Variants in CCDC171 observed in about 807,000 individuals in gnomAD.
CCDC171 encodes coiled-coil domain containing 171, also known as coiled-coil domain-containing protein 171.
CCDC171 carries 177 observed loss-of-function variants against 168.2 expected under a neutral mutation model. That is an observed-to-expected ratio of 1.05 (90% CI 0.93 to 1.19). The LOEUF (loss-of-function observed/expected upper bound fraction) is 1.19, where lower values mean the gene tolerates loss of function less well. Among genes scored for constraint, CCDC171 ranks in the 50% most tolerant of loss-of-function variants. The pLI is 0.00. For synonymous variants in CCDC171, 687 were observed against 540.8 expected, an observed-to-expected ratio of 1.27 and a Z score of -3.75; for missense variants, 1,991 against 1,539.0, an observed-to-expected ratio of 1.29 and a Z score of -4.91.
intron 3 of CCDC171, among the ~76,000 whole-genome samples, chr9:16,008,560 G>T (rs1832772541): frequency 6.6e-6 from 1 of 152,090 alleles, no homozygotes; most frequent in Non-Finnish European, 1.5e-5. Flanking sequence ...GCGTCTCATG[G>T]ATCCATCCTA....
chr9:15,759,021 A>T (rs956889582), intron 18 of CCDC171, among the ~76,000 whole-genome samples: 2 of 152,096 alleles, frequency 1.3e-5, no homozygotes. Flanking sequence ...GCTGCAAAGG[A>T]TATGATTTCA....
chr9:15,663,106 G>T (rs1017402489), intron 8 of CCDC171, among the ~76,000 whole-genome samples: 12 of 152,222 alleles, frequency 7.9e-5, no homozygotes, highest in African/African-American at 2.9e-4. Flanking sequence ...TTATAGATGA[G>T]AAGCCTCAAA....
chr9:15,665,043 C>T (rs1281383047), intron 8 of CCDC171, among the ~76,000 whole-genome samples: 6 of 152,126 alleles, frequency 3.9e-5, no homozygotes, highest in Non-Finnish European at 7.3e-5. Context: ...ACATACCCAT[C>T]GCCCAGCTTC....
intron 21 of CCDC171, 106 bp downstream of exon 21, chr9:15,784,800 A>G (rs1033186665): frequency 3.1e-4 from 247 of 806,822 alleles, no homozygotes; most frequent in Non-Finnish European, 4.3e-4. Context: ...AAGATGTAAA[A>G]TTTTATTCTA....
At chr9:15,552,892 C>T (rs1480836841), upstream of CCDC171, among the ~76,000 whole-genome samples, 3 of 152,168 alleles carry the variant, frequency 2.0e-5, no homozygotes, top group African/African-American at 7.2e-5. Context: ...CGCATGCGCC[C>T]GTTCGTCCCT....
chr9:15,936,863 C>T (rs1827179881), intron 25 of CCDC171, among the ~76,000 whole-genome samples: 1 of 152,020 alleles, frequency 6.6e-6, no homozygotes, highest in African/African-American at 2.4e-5. Flanking sequence ...CATTTTAAAA[C>T]TCTGTACCAC....
chr9:15,992,287 AT>A (rs1832226990), intron 3 of CCDC171, among the ~76,000 whole-genome samples: 1 of 152,190 alleles, frequency 6.6e-6, no homozygotes, highest in African/African-American at 2.4e-5. Context: ...ACACAAATCA[AT>A]AAACGTAATC....
chr9:15,968,963 A>T lies in CCDC171; in HGVS notation c.3754-2646A>T, dbSNP rs115436688. ...CAAAAGCAGTCATTTGTTTTCCTTT[A>T]TACAAAAGTAACTCTGTTTACTTTC... On this transcript the variant is annotated intron_variant, in intron 25 of 25. Transcript: ENST00000380701. Among the ~76,000 whole-genome samples, 1,033 of 152,272 alleles carry T rather than the reference A, an allele frequency of 6.8e-3. 7 individuals carry two copies. Among genetic ancestry groups the T allele is most frequent in the African/African-American group, 0.024 (1,000 of 41,562 alleles).
At chr9:15,853,941 G>C (rs1362548419) in intron 23 of CCDC171, among the ~76,000 whole-genome samples, 2 of 150,462 alleles carry the variant, frequency 1.3e-5, no homozygotes, top group Admixed American at 6.6e-5. Context: ...GTGTTCCTGA[G>C]ATAAATCTCA....
rs1188961163 is a variant in CCDC171, at chr9:15,864,593, AGAGCTTCTCC to A, written c.3469-9938_3469-9929del. 8.6e-3 allele frequency among the ~76,000 whole-genome samples: 1,309 copies of A among 152,172 alleles called. 1 individual carries two copies. The highest frequency in any genetic ancestry group is 0.03 in the African/African-American group (1,244 of 41,516). Reference sequence around the variant, plus strand: ...TTTTTGTCCTTGCGATAGTTTAATTAGAGCTTCTCCAAATGTGCCTAAGTATTTCTATTGT... The same window carrying A: ...TTTTTGTCCTTGCGATAGTTTAATTAAAATGTGCCTAAGTATTTCTATTGT... On this transcript the variant is annotated intron_variant, in intron 23 of 25. Transcript: ENST00000380701.
At chr9:15,690,674 A>G (rs1159189497) in intron 10 of CCDC171, among the ~76,000 whole-genome samples, 1 of 152,156 alleles carries the variant, frequency 6.6e-6, no homozygotes, top group Non-Finnish European at 1.5e-5. Context: ...CACTTGAAAA[A>G]TATAATTTTG....
intron 3 of CCDC171, among the ~76,000 whole-genome samples, chr9:16,003,611 A>C (rs146468607): frequency 5.9e-5 from 9 of 152,324 alleles, no homozygotes; most frequent in Non-Finnish European, 1.2e-4. Flanking sequence ...AAAGGCTTTT[A>C]AATACTTGGA....
At chr9:15,945,126 G>A (rs1828193190) in intron 25 of CCDC171, among the ~76,000 whole-genome samples, 1 of 149,806 alleles carries the variant, frequency 6.7e-6, no homozygotes, top group Non-Finnish European at 1.5e-5. Flanking sequence ...GAGAATATGC[G>A]GTGTTTGGTT....
chr9:15,885,353 A>C (rs1171616886), intron 24 of CCDC171, among the ~76,000 whole-genome samples: 3 of 152,192 alleles, frequency 2.0e-5, no homozygotes, highest in African/African-American at 7.2e-5. Context: ...AGAGGCAAAA[A>C]CTAAATTCTA....
intron 3 of CCDC171, among the ~76,000 whole-genome samples, chr9:15,987,592 A>G (rs1363955521): frequency 1.3e-5 from 2 of 150,722 alleles, no homozygotes; most frequent in African/African-American, 4.9e-5. Context: ...CTGAAGATAA[A>G]TGTTCTTCAA....
intron 7 of CCDC171, among the ~76,000 whole-genome samples, chr9:15,656,753 G>T (rs1415841879): frequency 6.6e-6 from 1 of 152,160 alleles, no homozygotes; most frequent in Admixed American, 6.5e-5. Flanking sequence ...AGGGCTGGAG[G>T]AAGGCATTAC....
chr9:15,903,618 G>A (rs1029202715), intron 24 of CCDC171, among the ~76,000 whole-genome samples: 3 of 152,200 alleles, frequency 2.0e-5, no homozygotes, highest in Non-Finnish European at 2.9e-5. Context: ...AAATCAGAGT[G>A]CCTCTCCTCC....
chr9:15,983,382 T>C (rs1167613069), intron 3 of CCDC171, among the ~76,000 whole-genome samples: 2 of 152,108 alleles, frequency 1.3e-5, no homozygotes, highest in African/African-American at 2.4e-5. Context: ...TAAAAAAACA[T>C]ATTTTACTAT....
At chr9:15,991,001 A>G (rs560385731) in intron 3 of CCDC171, among the ~76,000 whole-genome samples, 7 of 152,328 alleles carry the variant, frequency 4.6e-5, no homozygotes, top group African/African-American at 1.7e-4. Context: ...CCCGCTGTCA[A>G]CATTAGACAG....
Sources: gnomAD v4.1 joint callset for allele counts (sites outside exome capture counted in the v4.1 genomes callset) on GRCh38, gnomAD v4.1.1 for gene constraint, MANE v1.5 for transcripts, NCBI Gene and HGNC (gene_info 2026-07-23, HGNC 2026-07-21) for gene names.